The following TMEM132C variants were observed in gnomAD, a reference collection of about 807,000 sequenced individuals.
TMEM132C encodes the protein protein phosphatase 1, regulatory subunit 152.
A neutral mutation model predicts 61.4 loss-of-function variants in TMEM132C; 29 were observed. The observed-to-expected ratio is 0.47, with a 90% CI of 0.35 to 0.64. TMEM132C has a LOEUF of 0.64. Ranked by LOEUF, TMEM132C falls within the 30% of genes least tolerant of loss-of-function variation. The pLI, the probability that TMEM132C is intolerant of heterozygous loss-of-function variation, is 0.00. For missense variants in TMEM132C, 1,408 were observed against 1,476.9 expected, an observed-to-expected ratio of 0.95 and a Z score of 0.76; for synonymous variants, 656 against 633.1, an observed-to-expected ratio of 1.04 and a Z score of -0.54.
intron 3 of TMEM132C, among the ~76,000 whole-genome samples, chr12:128,575,701 A>G (rs951410623): frequency 1.3e-5 from 2 of 152,220 alleles, no homozygotes; most frequent in African/African-American, 4.8e-5. Context: ...TTGTATGTCT[A>G]TTGACAAGAA....
chr12:128,647,752 G>A (rs911242233), intron 4 of TMEM132C, among the ~76,000 whole-genome samples: 54 of 149,154 alleles, frequency 3.6e-4, no homozygotes, highest in Middle Eastern at 3.5e-3. Context: ...TCCCATCAGC[G>A]TTGGATGTGA....
rs542654537 is a variant in TMEM132C, at chr12:128,651,437, G to A, written c.1306-17980G>A. On this transcript the variant is annotated intron_variant, in intron 4 of 8. Transcript: ENST00000435159. ...TAATTCAAGGCCTTCGTCTTAAAGC[G>A]CCGTGCCCTCAAATTGCCTTCTTTA... Among the ~76,000 whole-genome samples, 26 of 152,330 alleles carry A rather than the reference G, an allele frequency of 1.7e-4. No homozygotes were observed. The South Asian group carries it at 3.5e-3, about 21-fold the overall frequency.
chr12:128,616,962 A>G (rs1188524248), intron 4 of TMEM132C, among the ~76,000 whole-genome samples: 1 of 152,246 alleles, frequency 6.6e-6, no homozygotes, highest in Non-Finnish European at 1.5e-5. Flanking sequence ...TGGATTAATC[A>G]GGATTATAAG....
chr12:128,620,063 T>C (rs1432409093), intron 4 of TMEM132C, among the ~76,000 whole-genome samples: 3 of 151,508 alleles, frequency 2.0e-5, no homozygotes, highest in Admixed American at 1.3e-4. Context: ...AGACCTCATT[T>C]CTACAAAAAA....
chr12:128,450,144 C>G (rs530600606), intron 2 of TMEM132C, among the ~76,000 whole-genome samples: 1 of 152,322 alleles, frequency 6.6e-6, no homozygotes, highest in South Asian at 2.1e-4. Context: ...TATAAGCAGT[C>G]ACTTGCTGCA....
In TMEM132C at chr12:128,361,199, G is replaced by T. The variant is rs867853789; in HGVS notation, c.86-53533G>T. On this transcript the variant is annotated intron_variant, in intron 1 of 8. Coordinates refer to ENST00000435159, the MANE Select transcript of TMEM132C (RefSeq NM_001136103.3). Reference sequence around the variant, plus strand: ...CCCTGGTCTGTAACCCAGAGGATTGGCCTAGGTGGCCCAAGAATTTCTATC... The same window carrying T: ...CCCTGGTCTGTAACCCAGAGGATTGTCCTAGGTGGCCCAAGAATTTCTATC... Among the ~76,000 whole-genome samples the T allele has an allele frequency of 1.2e-4, 19 of 152,296 alleles. 1 individual carries two copies. Among genetic ancestry groups the T allele is most frequent in the Middle Eastern group, 3.4e-3 (1 of 294 alleles).
At chr12:128,693,145 G>T (rs546947713) in intron 5 of TMEM132C, among the ~76,000 whole-genome samples, 152 of 152,296 alleles carry the variant, frequency 1.0e-3, no homozygotes, top group African/African-American at 3.4e-3. Flanking sequence ...AAAGCCTGGG[G>T]ACCGTGAAGA....
chr12:128,289,654 A>C (rs1341730166), intron 1 of TMEM132C, among the ~76,000 whole-genome samples: 2 of 152,204 alleles, frequency 1.3e-5, no homozygotes, highest in African/African-American at 4.8e-5. Flanking sequence ...GTAACTTTTA[A>C]ATCAGCATTT....
At chr12:128,397,845 G>A (rs575569531) in intron 1 of TMEM132C, among the ~76,000 whole-genome samples, 20 of 152,128 alleles carry the variant, frequency 1.3e-4, no homozygotes, top group Admixed American at 2.0e-4. Flanking sequence ...TCCCTATTGC[G>A]ACTGGCCACC....
chr12:128,322,669 A>G (rs1015698373), intron 1 of TMEM132C, among the ~76,000 whole-genome samples: 3 of 152,230 alleles, frequency 2.0e-5, no homozygotes, highest in Non-Finnish European at 2.9e-5. Context: ...ACCAACAGAA[A>G]TAGGTCTGAG....
chr12:128,380,779 G>A (rs1874375775), intron 1 of TMEM132C, among the ~76,000 whole-genome samples: 1 of 152,192 alleles, frequency 6.6e-6, no homozygotes, highest in Non-Finnish European at 1.5e-5. Context: ...GAAGTACAGA[G>A]CTAGGTCCCT....
At chr12:128,465,311 G>C (rs1193513875) in intron 2 of TMEM132C, among the ~76,000 whole-genome samples, 1 of 151,392 alleles carries the variant, frequency 6.6e-6, no homozygotes, top group Non-Finnish European at 1.5e-5. Flanking sequence ...CCATTCTCCT[G>C]ACTCAGCCTC....
At chr12:128,616,407 C>A in intron 4 of TMEM132C, 72 bp downstream of exon 4, 2 of 1,398,022 alleles carry the variant, frequency 1.4e-6, no homozygotes, top group South Asian at 2.9e-5. Context: ...TCCTATCTGT[C>A]ATGGGATGTT....
At chr12:128,366,608 C>T (rs778757215) in intron 1 of TMEM132C, among the ~76,000 whole-genome samples, 3 of 152,090 alleles carry the variant, frequency 2.0e-5, no homozygotes, top group East Asian at 3.9e-4. Flanking sequence ...GAGATGGAAA[C>T]GTGCCCCAGC....
chr12:128,566,435 T>C (rs2136167456), intron 3 of TMEM132C, among the ~76,000 whole-genome samples: 1 of 152,342 alleles, frequency 6.6e-6, no homozygotes, highest in East Asian at 1.9e-4. Context: ...CTTTGCTCGT[T>C]TTATTTAAAT....
intron 1 of TMEM132C, among the ~76,000 whole-genome samples, chr12:128,336,687 T>G (rs1030940149): frequency 1.3e-5 from 2 of 152,118 alleles, no homozygotes; most frequent in Non-Finnish European, 2.9e-5. Flanking sequence ...TAAGCTGAGG[T>G]GACATTTCCG....
chr12:128,330,165 A>C (rs1376850826), intron 1 of TMEM132C, among the ~76,000 whole-genome samples: 1 of 152,178 alleles, frequency 6.6e-6, no homozygotes, highest in Non-Finnish European at 1.5e-5. Context: ...ATACAGGCAC[A>C]ATGCCAACAA....
intron 1 of TMEM132C, among the ~76,000 whole-genome samples, chr12:128,402,410 C>T (rs771865830): frequency 5.9e-5 from 9 of 152,146 alleles, no homozygotes; most frequent in East Asian, 5.8e-4. Flanking sequence ...CTCCATCCTC[C>T]GTTAGGCCCC....
At chr12:128,600,036 G>A (rs1207809831) in intron 3 of TMEM132C, among the ~76,000 whole-genome samples, 1 of 152,128 alleles carries the variant, frequency 6.6e-6, no homozygotes, top group African/African-American at 2.4e-5. Context: ...AGGCTGGAGT[G>A]CAGTGGCGCG....
Sources: gnomAD v4.1 joint callset for allele counts (sites outside exome capture counted in the v4.1 genomes callset) on GRCh38, gnomAD v4.1.1 for gene constraint, MANE v1.5 for transcripts, NCBI Gene and HGNC (gene_info 2026-07-23, HGNC 2026-07-21) for gene names.